RELN: variants seen among roughly 807,000 people sequenced by gnomAD.
The protein encoded by RELN is reelin.
A neutral mutation model predicts 427.6 loss-of-function variants in RELN; 108 were observed. The observed-to-expected ratio is 0.25, with a 90% CI of 0.22 to 0.30. The LOEUF (loss-of-function observed/expected upper bound fraction) is 0.30. Ranked by LOEUF, RELN falls within the 10% of genes least tolerant of loss-of-function variation. The pLI is 1.00. For synonymous variants in RELN, 1,524 were observed against 1,513.4 expected, an observed-to-expected ratio of 1.01 and a Z score of -0.16; for missense variants, 3,715 against 4,302.8, an observed-to-expected ratio of 0.86 and a Z score of 3.82.
At chr7:103,650,447 C>T in intron 15 of RELN, 64 bp from the exon 16 acceptor site, 3 of 999,836 alleles carry the variant, frequency 3.0e-6, no homozygotes, top group Non-Finnish European at 4.8e-6. Flanking sequence ...ATCTATTTTA[C>T]ATGGTTTTCA....
chr7:103,840,936 ATGTATATG>A (rs1793537298), intron 2 of RELN, among the ~76,000 whole-genome samples: 1 of 152,212 alleles, frequency 6.6e-6, no homozygotes, highest in Non-Finnish European at 1.5e-5. Context: ...TGTACATATA[ATGTATATG>A]TGTGTATGGT....
At position 103,545,947 on chromosome 7, in the gene RELN, T is replaced by A. The variant is rs576687397; in HGVS notation, c.6303-603A>T. ...CACCGCACCCGGCCCCTTCTGTCTA[T>A]TTAATACACTCTGTATAACTAACCT... On this transcript the variant is annotated intron_variant, in intron 41 of 64. Transcript: ENST00000428762. Among the ~76,000 whole-genome samples, 328 of 152,320 alleles carry A rather than the reference T, an allele frequency of 2.2e-3. 2 individuals are homozygous for A. Among genetic ancestry groups the A allele is most frequent in the African/African-American group, 7.5e-3 (313 of 41,578 alleles).
intron 1 of RELN, among the ~76,000 whole-genome samples, chr7:103,938,950 T>C (rs556584694): frequency 5.9e-5 from 9 of 152,226 alleles, no homozygotes; most frequent in Non-Finnish European, 7.4e-5. Flanking sequence ...AAGCTTTTTT[T>C]TTTTTCTCTG....
chr7:103,594,329 A>G lies in RELN; in HGVS notation c.3703T>C (p.Leu1235=). 6.2e-7 allele frequency: 1 copy of G among 1,613,796 alleles called. No individual in the cohort carries two copies. The highest frequency in any genetic ancestry group is 8.5e-7 in the Non-Finnish European group (1 of 1,179,758). Residue 1235 remains leucine, a synonymous_variant, in exon 26 of 65, where the codon TTA becomes CTA. Transcript: ENST00000428762. ...CAGACATAGGAGAATACCTGAGGTA[A>G]AGTTGGATTGATAACTGGGATGATC... ...KQIIPVINPT[L]PQNFYEKPAF...
intron 51 of RELN, among the ~76,000 whole-genome samples, chr7:103,504,155 G>A (rs190686965): frequency 1.3e-3 from 198 of 152,258 alleles, no homozygotes; most frequent in African/African-American, 4.6e-3. Context: ...AGTGAACCAA[G>A]ATTACGCCAC....
intron 10 of RELN, among the ~76,000 whole-genome samples, chr7:103,690,716 T>A (rs1833855873): frequency 6.6e-6 from 1 of 152,212 alleles, no homozygotes; most frequent in East Asian, 1.9e-4. Flanking sequence ...TCTGGGAGAT[T>A]ACGAATGAGG....
At chr7:103,756,192 C>G (rs3819476) in intron 4 of RELN, among the ~76,000 whole-genome samples, 1 of 152,092 alleles carries the variant, frequency 6.6e-6, no homozygotes, top group African/African-American at 2.4e-5. Flanking sequence ...GGACATCTAC[C>G]TTTGCTAAAT....
At chr7:103,707,223 C>G (rs1433198012) in intron 8 of RELN, among the ~76,000 whole-genome samples, 3 of 152,098 alleles carry the variant, frequency 2.0e-5, no homozygotes, top group Non-Finnish European at 4.4e-5. Context: ...ATGTGAGACC[C>G]TCCTAACTGG....
chr7:103,687,363 T>C (rs751134893), intron 10 of RELN, among the ~76,000 whole-genome samples: 1 of 152,108 alleles, frequency 6.6e-6, no homozygotes, highest in Non-Finnish European at 1.5e-5. Flanking sequence ...CATGGAGTGG[T>C]TGGGTTTTAC....
chr7:103,483,962 G>A (rs1012236943), intron 61 of RELN, 112 bp from the exon 62 acceptor site: 20 of 1,066,650 alleles, frequency 1.9e-5, no homozygotes, highest in African/African-American at 7.9e-5. Context: ...TCACTACAAC[G>A]TCTGCCTACT....
intron 51 of RELN, among the ~76,000 whole-genome samples, chr7:103,508,416 A>C (rs1829287490): frequency 6.6e-6 from 1 of 152,232 alleles, no homozygotes; most frequent in South Asian, 2.1e-4. Flanking sequence ...TGATTATCTC[A>C]ATAGATGCAG....
intron 3 of RELN, among the ~76,000 whole-genome samples, chr7:103,787,828 T>G (rs370743947): frequency 6.6e-6 from 1 of 152,082 alleles, no homozygotes; most frequent in Admixed American, 6.6e-5. Context: ...TCCCTAACTC[T>G]TTTTATGAGG....
intron 1 of RELN, among the ~76,000 whole-genome samples, chr7:103,927,750 T>C (rs1184684126): frequency 1.3e-5 from 2 of 152,162 alleles, no homozygotes; most frequent in Non-Finnish European, 2.9e-5. Flanking sequence ...TAAGTTTGTG[T>C]TTTCAATATA....
chr7:103,986,483 A>G (rs1262485958), intron 1 of RELN, among the ~76,000 whole-genome samples: 1 of 152,226 alleles, frequency 6.6e-6, no homozygotes, highest in East Asian at 1.9e-4. Context: ...AACCACTTTT[A>G]TTCTAGACTG....
chr7:103,713,052 G>A (rs1266032602), intron 8 of RELN, among the ~76,000 whole-genome samples: 10 of 152,126 alleles, frequency 6.6e-5, no homozygotes. Context: ...CTTTTCAAAT[G>A]CAGCACAGGG....
At chr7:103,901,602 T>A (rs1456633865) in intron 2 of RELN, among the ~76,000 whole-genome samples, 1 of 152,032 alleles carries the variant, frequency 6.6e-6, no homozygotes, top group Non-Finnish European at 1.5e-5. Flanking sequence ...CGTGCTTCAA[T>A]ATGGATAAAC....
intron 11 of RELN, among the ~76,000 whole-genome samples, chr7:103,674,440 C>T (rs942983614): frequency 2.6e-5 from 4 of 151,112 alleles, no homozygotes; most frequent in African/African-American, 7.3e-5. Context: ...CCTTAGATTT[C>T]GTGATTTAGA....
intron 1 of RELN, among the ~76,000 whole-genome samples, chr7:103,950,043 G>A (rs549334964): frequency 6.6e-6 from 1 of 152,172 alleles, no homozygotes; most frequent in Non-Finnish European, 1.5e-5. Context: ...TCACAGTTCT[G>A]GAGGCTGGGA....
At chr7:103,885,643 C>T (rs533990943) in intron 2 of RELN, among the ~76,000 whole-genome samples, 242 of 152,122 alleles carry the variant, frequency 1.6e-3, no homozygotes, top group Non-Finnish European at 2.8e-3. Context: ...ATGTAGATGA[C>T]GGGTTGATGG....
Sources: allele counts gnomAD v4.1 joint callset (sites outside exome capture counted in the v4.1 genomes callset), GRCh38; gene constraint gnomAD v4.1.1; transcripts MANE v1.5; gene names NCBI Gene and HGNC (gene_info 2026-07-23, HGNC 2026-07-21).